The following NRG3 variants were observed in gnomAD, a reference collection of about 807,000 sequenced individuals.
NRG3 encodes the protein neuregulin 3, also known as pro-neuregulin-3, membrane-bound isoform.
Under a neutral mutation model 66.9 loss-of-function variants are expected in NRG3, and 31 were observed. The ratio of observed to expected loss-of-function variants is 0.46; its 90% CI spans 0.35 to 0.63. The LOEUF is 0.63. Among genes scored for constraint, NRG3 ranks in the 20% least tolerant of loss-of-function variants. The pLI, the probability that NRG3 is intolerant of heterozygous loss-of-function variation, is 0.00. For missense variants in NRG3, 910 were observed against 878.9 expected (o/e 1.04, Z -0.45); for synonymous variants, 393 against 359.4 (o/e 1.09, Z -1.06).
At chr10:82,055,493 GAA>G (rs1299314666) in intron 1 of NRG3, among the ~76,000 whole-genome samples, 1 of 138,880 alleles carries the variant, frequency 7.2e-6, no homozygotes, top group Non-Finnish European at 1.6e-5. Context: ...AAAAAAAAAA[GAA>G]CAACAACAAA....
intron 2 of NRG3, among the ~76,000 whole-genome samples, chr10:82,732,356 G>A (rs1031675182): frequency 6.6e-6 from 1 of 152,112 alleles, no homozygotes; most frequent in South Asian, 2.1e-4. Context: ...AAATCATGGT[G>A]TTAGTTCATG....
At chr10:82,749,701 TG>T in intron 3 of NRG3, among the ~76,000 whole-genome samples, 1 of 151,772 alleles carries the variant, frequency 6.6e-6, no homozygotes, top group African/African-American at 2.4e-5. Context: ...AAAGCATATG[TG>T]GGGACAGTCT....
intron 1 of NRG3, among the ~76,000 whole-genome samples, chr10:81,993,053 C>A (rs980648237): frequency 6.6e-6 from 1 of 152,132 alleles, no homozygotes; most frequent in African/African-American, 2.4e-5. Context: ...TGTCATGTTA[C>A]TATTTGAACG....
rs764672401 is a variant in NRG3, at chr10:82,844,818, T to C, written c.1028-20593T>C. Among the ~76,000 whole-genome samples, 51 of 152,224 alleles carry C rather than the reference T, an allele frequency of 3.4e-4. 2 individuals are homozygous for C. Among genetic ancestry groups the C allele is most frequent in the South Asian group, 1.7e-3 (8 of 4,822 alleles). ...AAATGAGTATTAAAAAAAAAGTCTT[T>C]GCTTCTATTTCTCAAATTTCAAAAA... On this transcript the variant is annotated intron_variant, in intron 3 of 8. Coordinates refer to ENST00000372141, the MANE Select transcript of NRG3 (RefSeq NM_001010848.4).
chr10:82,823,552 C>T (rs149494498), intron 3 of NRG3, among the ~76,000 whole-genome samples: 13 of 152,228 alleles, frequency 8.5e-5, no homozygotes, highest in African/African-American at 1.4e-4. Context: ...AACGTTCCCC[C>T]ACTCCCAGTT....
intron 2 of NRG3, among the ~76,000 whole-genome samples, chr10:82,724,704 A>T (rs990753058): frequency 6.6e-6 from 1 of 152,202 alleles, no homozygotes; most frequent in African/African-American, 2.4e-5. Flanking sequence ...TTCCTGAATG[A>T]CATCCTGTGG....
intron 3 of NRG3, among the ~76,000 whole-genome samples, chr10:82,846,107 G>A (rs1245937745): frequency 6.6e-6 from 1 of 152,084 alleles, no homozygotes; most frequent in African/African-American, 2.4e-5. Context: ...TTTCATGGGT[G>A]GGATTATAGA....
At chr10:81,918,824 A>AAAAAAAAAAC (rs796956624) in intron 1 of NRG3, among the ~76,000 whole-genome samples, 2 of 151,430 alleles carry the variant, frequency 1.3e-5, no homozygotes, top group African/African-American at 4.9e-5. Context: ...TTTGCAAAAA[A>AAAAAAAAAAC]CAAAAACAAA....
At chr10:82,656,233 T>A (rs1591044697) in intron 2 of NRG3, among the ~76,000 whole-genome samples, 1 of 151,794 alleles carries the variant, frequency 6.6e-6, no homozygotes. Context: ...TATTGAAAAA[T>A]CTTTACATAA....
chr10:81,917,124 G>C (rs1298604415), intron 1 of NRG3, among the ~76,000 whole-genome samples: 1 of 152,130 alleles, frequency 6.6e-6, no homozygotes, highest in African/African-American at 2.4e-5. Context: ...TGTATGAATG[G>C]AGAAGCTTGA....
chr10:82,412,640 C>G (rs1252729540), intron 2 of NRG3, among the ~76,000 whole-genome samples: 1 of 152,118 alleles, frequency 6.6e-6, no homozygotes, highest in Non-Finnish European at 1.5e-5. Context: ...CTCTTCCTTT[C>G]ACAAAATATT....
At chr10:82,223,433 C>A (rs541690794) in intron 1 of NRG3, among the ~76,000 whole-genome samples, 100 of 152,234 alleles carry the variant, frequency 6.6e-4, no homozygotes, top group Non-Finnish European at 1.1e-3. Context: ...AACTGCAGGC[C>A]AATTGCTATT....
rs75502857 is a variant in NRG3 at position 82,283,543 on chromosome 10, C to G, written c.824-75196C>G. Among the ~76,000 whole-genome samples the G allele has an allele frequency of 3.1e-3, 474 of 152,260 alleles. 5 individuals carry two copies. The highest frequency in any genetic ancestry group is 0.011 in the African/African-American group (448 of 41,552). On this transcript the variant is annotated intron_variant, in intron 1 of 8. Coordinates refer to ENST00000372141, the MANE Select transcript of NRG3 (RefSeq NM_001010848.4). ...AGCAAAGGTGTAGGGTAGGAAATCTCTAGCTCGGTTCCTATAGTATCCAAC... is the reference window on the plus strand; with the variant it reads ...AGCAAAGGTGTAGGGTAGGAAATCTGTAGCTCGGTTCCTATAGTATCCAAC...
At position 82,176,880 on chromosome 10, in the gene NRG3, G is replaced by GACACACACACACACACACACAC. The variant is rs142443398; in HGVS notation, c.824-181855_824-181834dup. Among the ~76,000 whole-genome samples, 346 of 146,220 alleles carry GACACACACACACACACACACAC rather than the reference G, an allele frequency of 2.4e-3. 6 individuals are homozygous for GACACACACACACACACACACAC. Among genetic ancestry groups the GACACACACACACACACACACAC allele is most frequent in the Admixed American group, 0.018 (261 of 14,402 alleles). ...CACAAAGCCTCGATTTTTAAAACAA[G>GACACACACACACACACACACAC]ACACACACACACACACACACACACA... On this transcript the variant is annotated intron_variant, in intron 1 of 8. Transcript: ENST00000372141.
At chr10:82,666,809 A>G (rs1443372126) in intron 2 of NRG3, among the ~76,000 whole-genome samples, 1 of 152,226 alleles carries the variant, frequency 6.6e-6, no homozygotes, top group Non-Finnish European at 1.5e-5. Flanking sequence ...ATCTGAAAAT[A>G]GAACACTTTA....
chr10:82,387,095 C>G (rs2086051683), intron 2 of NRG3, among the ~76,000 whole-genome samples: 1 of 152,230 alleles, frequency 6.6e-6, no homozygotes, highest in Non-Finnish European at 1.5e-5. Context: ...CCACCGCACC[C>G]AGCCTTGACA....
rs1198344582 is a variant in NRG3 at position 82,953,152 on chromosome 10, G to A, written c.1157+1581G>A. ...TACATCTCCTAGGCAACTCTTGGCT[G>A]TGGCAGTTGTAACTATCAATTTCTG... is the stretch of plus-strand genomic sequence containing the variant. On this transcript the variant is annotated intron_variant, in intron 5 of 8. Coordinates refer to ENST00000372141, the MANE Select transcript of NRG3 (RefSeq NM_001010848.4). Among the ~76,000 whole-genome samples, 5 of 151,920 alleles carry A rather than the reference G, an allele frequency of 3.3e-5. 1 individual carries two copies. Among genetic ancestry groups the A allele is most frequent in the African/African-American group, 9.7e-5 (4 of 41,188 alleles).
chr10:82,077,664 T>C (rs750832772), intron 1 of NRG3, among the ~76,000 whole-genome samples: 9 of 152,192 alleles, frequency 5.9e-5, no homozygotes, highest in Admixed American at 2.0e-4. Flanking sequence ...AGCAAACATC[T>C]TGAAGTTTAA....
intron 3 of NRG3, among the ~76,000 whole-genome samples, chr10:82,761,961 TTTCTTTC>T (rs1330173296): frequency 1.4e-5 from 2 of 146,204 alleles, no homozygotes; most frequent in Non-Finnish European, 3.0e-5. Context: ...TCTTTCTTTC[TTTCTTTC>T]TTTCTTTTCT....
Sources: gnomAD v4.1 joint callset for allele counts (sites outside exome capture counted in the v4.1 genomes callset) on GRCh38, gnomAD v4.1.1 for gene constraint, MANE v1.5 for transcripts, NCBI Gene and HGNC (gene_info 2026-07-23, HGNC 2026-07-21) for gene names.